Variants in MPRIP observed in about 807,000 individuals in gnomAD.
MPRIP encodes the protein myosin phosphatase Rho-interacting protein.
A neutral mutation model predicts 234.9 loss-of-function variants in MPRIP; 59 were observed. That is an observed-to-expected ratio of 0.25 (90% CI 0.20 to 0.31). The LOEUF (loss-of-function observed/expected upper bound fraction) is 0.31, where lower values mean the gene tolerates loss of function less well. Among genes scored for constraint, MPRIP ranks in the 10% least tolerant of loss-of-function variants. The pLI, the probability that MPRIP is intolerant of heterozygous loss-of-function variation, is 1.00. For synonymous variants in MPRIP, 1,144 were observed against 1,263.9 expected, an observed-to-expected ratio of 0.91 and a Z score of 2.01; for missense variants, 2,436 against 3,071.0, an observed-to-expected ratio of 0.79 and a Z score of 4.89.
At chr17:17,133,805 A>T (rs957156800) in intron 5 of MPRIP, among the ~76,000 whole-genome samples, 1 of 152,198 alleles carries the variant, frequency 6.6e-6, no homozygotes, top group African/African-American at 2.4e-5. Flanking sequence ...CTTGGCCCTG[A>T]CAAGAGTTTC....
intron 7 of MPRIP, chr17:17,141,745 A>G (rs1011488220): frequency 6.6e-6 from 1 of 152,384 alleles, no homozygotes; most frequent in Non-Finnish European, 1.5e-5. Flanking sequence ...AGCAGCAGTG[A>G]CACCCTCCCC....
At position 17,164,260 on chromosome 17, in the gene MPRIP, A is replaced by G. The variant is rs1286698050; in HGVS notation, c.2669A>G (p.Asp890Gly). 7.7e-7 allele frequency: 1 copy of G among 1,304,304 alleles called. No individual in the cohort carries two copies. Among genetic ancestry groups the G allele is most frequent in the Admixed American group, 2.3e-5 (1 of 43,576 alleles). 80.8% of individuals were successfully genotyped at this position (1,304,304 alleles called of 1,614,324 possible). Residue 890 changes from aspartate (D) to glycine (G), a missense_variant, in exon 16 of 24, where the codon GAC (aspartate) becomes GGC (glycine). Around this residue, in one of 4 missense-constraint regions of MPRIP, gnomAD observed 1,998 missense variants for 2,520.3 expected, o/e 0.79. Transcript: ENST00000651222. Reference sequence around the variant, plus strand: ...AAGCGTAGCTATGGGGAGGCCAAGGACACGATCCGGCACCACGAGGCTGAG... The same window carrying G: ...AAGCGTAGCTATGGGGAGGCCAAGGGCACGATCCGGCACCACGAGGCTGAG... ...TLKRSYGEAK[D>G]TIRHHEAEIR...
chr17:17,166,862 C>T lies in MPRIP; in HGVS notation c.5271C>T (p.Asp1757=). ...LSPLGEVLGR[D]SDSSQEPFDV... is the part of the protein sequence containing the mutation. ...CCTTAGGAGAAGTCCTGGGCCGAGA[C>T]TCAGACAGCTCTCAGGAGCCCTTCG... Residue 1757 remains aspartate (D), a synonymous_variant, in exon 16 of 24, where the codon GAC becomes GAT. Coordinates refer to ENST00000651222, the MANE Select transcript of MPRIP (RefSeq NM_001364716.4). This position sits in a 1 kb window ranked among gnomAD's most constrained non-coding sequence, Gnocchi z 4.4. The T allele has an allele frequency of 3.1e-6, 4 of 1,304,188 alleles. No individual in the cohort carries two copies. Among genetic ancestry groups the T allele is most frequent in the Non-Finnish European group, 4.0e-6 (4 of 988,956 alleles). The allele number at this position is 1,304,188 out of a possible 1,614,324, so 80.8% of individuals were successfully genotyped here.
intron 1 of MPRIP, among the ~76,000 whole-genome samples, chr17:17,044,015 T>G (rs1423116523): frequency 6.6e-6 from 1 of 152,204 alleles, no homozygotes; most frequent in Non-Finnish European, 1.5e-5. Context: ...CCTGGTTGTT[T>G]TTAATGCCAC....
At chr17:17,099,287 A>G (rs976483533) in intron 3 of MPRIP, among the ~76,000 whole-genome samples, 3 of 151,814 alleles carry the variant, frequency 2.0e-5, no homozygotes, top group Non-Finnish European at 4.4e-5. Flanking sequence ...AGGGTCCAGC[A>G]CCTCCCTATA....
intron 1 of MPRIP, among the ~76,000 whole-genome samples, chr17:17,043,994 G>T (rs546140203): frequency 4.9e-4 from 75 of 152,308 alleles, no homozygotes; most frequent in South Asian, 1.9e-3. Context: ...GACTGAAAAC[G>T]AGTGAACGGG....
rs2090756156 is a variant in MPRIP at position 17,138,760 on chromosome 17, T to G, written c.1250+331T>G. ...GCTGGATCTTTTCCTCCTGGGCCAT[T>G]TCTATTCTCTGAAGTGGCATGGAGG... On this transcript the variant is annotated intron_variant, in intron 7 of 23. Coordinates refer to ENST00000651222, the MANE Select transcript of MPRIP (RefSeq NM_001364716.4). This position sits in a 1 kb window ranked among gnomAD's most constrained non-coding sequence, Gnocchi z 5.8. 1.3e-5 allele frequency among the ~76,000 whole-genome samples: 2 copies of G among 152,118 alleles called. No individual in the cohort carries two copies. Among genetic ancestry groups the G allele is most frequent in the Admixed American group, 1.3e-4 (2 of 15,284 alleles).
At chr17:17,123,562 G>GGT (rs2090432807) in intron 3 of MPRIP, among the ~76,000 whole-genome samples, 2 of 151,974 alleles carry the variant, frequency 1.3e-5, no homozygotes, top group African/African-American at 4.8e-5. Flanking sequence ...AAATTAGCTG[G>GGT]GTGTGGTAGC....
In MPRIP at chr17:17,147,531, A is replaced by G. The variant is rs73279633; in HGVS notation, c.1629+144A>G. 3.4e-3 allele frequency: 2,578 copies of G among 760,862 alleles called. 53 individuals are homozygous for G. The African/African-American group carries it at 0.041, about 12-fold the overall frequency. 47.1% of individuals were successfully genotyped at this position (760,862 alleles called of 1,614,324 possible). On this transcript the variant is annotated intron_variant, in intron 11 of 23. Transcript: ENST00000651222. ...TCGGTGGTGTTACCTTGCCGAAGGT[A>G]TGTCCATGTTGCCCTCTTGGGTTTC...
chr17:17,142,807 G>A (rs866834193), intron 8 of MPRIP, 42 bp downstream of exon 8: 1 of 1,600,188 alleles, frequency 6.2e-7, no homozygotes, highest in Middle Eastern at 1.8e-4. Flanking sequence ...GGTGGCTCGG[G>A]GGCGGGTCAG....
intron 11 of MPRIP, among the ~76,000 whole-genome samples, chr17:17,148,302 G>A (rs1240689498): frequency 6.6e-6 from 1 of 152,178 alleles, no homozygotes; most frequent in African/African-American, 2.4e-5. Context: ...ACCTCTGGGG[G>A]TCCCTGAGGC....
chr17:17,123,382 C>T (rs2090429173), intron 3 of MPRIP, among the ~76,000 whole-genome samples: 1 of 152,094 alleles, frequency 6.6e-6, no homozygotes, highest in South Asian at 2.1e-4. Flanking sequence ...AAAAGTTAGG[C>T]CAGGGGCGGT....
chr17:17,143,556 G>T lies in MPRIP; in HGVS notation c.1390G>T (p.Asp464Tyr). The change falls in exon 9 of 24, where the codon GAC (aspartate) becomes TAC (tyrosine). Residue 464 changes from aspartate (D) to tyrosine (Y), a missense_variant and splice_region_variant. Physicochemically the swap from Asp to Tyr is radical, Grantham distance 160 (BLOSUM62 -3). Coordinates refer to ENST00000651222, the MANE Select transcript of MPRIP (RefSeq NM_001364716.4). ...GACCAGCGGCTGCTCTCTGCCACAG[G>T]ACTTCACCAATGAAGCCCCCCCAGC... ...SEKRAFPRKR[D>Y]FTNEAPPAPL... 1.3e-6 allele frequency: 2 copies of T among 1,591,656 alleles called. No individual in the cohort carries two copies. The highest frequency in any genetic ancestry group is 1.7e-6 in the Non-Finnish European group (2 of 1,167,350).
chr17:17,165,338 C>CA lies in MPRIP; in HGVS notation c.3747_3748insA (p.Gln1250ThrfsTer4). ...GCACTTTGCTCCCAGGCCAACCAGT[C>CA]CAAGCCACTAGGGCACCTCTAGGCC... On this transcript the variant is annotated frameshift_variant, in exon 16 of 24. Transcript: ENST00000651222. LOFTEE classifies it high-confidence loss of function. 1 of 1,304,080 alleles carries CA rather than the reference C, an allele frequency of 7.7e-7. No homozygotes were observed. Among genetic ancestry groups the CA allele is most frequent in the Non-Finnish European group, 1.0e-6 (1 of 988,960 alleles). The allele number at this position is 1,304,080 out of a possible 1,614,324, so 80.8% of individuals were successfully genotyped here. A position where few individuals can be genotyped will look rare whatever the true frequency, so the allele number is the denominator to read the frequency against.
rs2046473140 is a variant in MPRIP, at chr17:17,186,288, T to G, written c.*1394T>G. The G allele has an allele frequency of 6.6e-6, 1 of 152,230 alleles. No individual in the cohort carries two copies. Among genetic ancestry groups the G allele is most frequent in the Non-Finnish European group, 1.5e-5 (1 of 68,064 alleles). 9.4% of individuals were successfully genotyped at this position (152,230 alleles called of 1,614,324 possible). ...TTTGGGCGTTGAAATCTAGAAATCC[T>G]GTTGCTCAGTTTCTAGATGAAGTCA... On this transcript the variant is annotated 3_prime_UTR_variant, in exon 24 of 24. Coordinates refer to ENST00000651222, the MANE Select transcript of MPRIP (RefSeq NM_001364716.4).
rs2045786441 is a variant in MPRIP, at chr17:17,158,605, C to G, written c.2003C>G (p.Pro668Arg). The stretch of plus-strand genomic sequence containing the variant: ...ACCTTTGACTGGGCTGAGTTCCGTC[C>G]CATCCAGCAGGCCCTGGCTCAGGAG... ...SKTFDWAEFR[P>R]IQQALAQERV... The change falls in exon 14 of 24, where the codon CCC becomes CGC. Residue 668 changes from proline to arginine, a missense_variant. This residue lies in a region of MPRIP where 1,998 missense variants were observed against 2,520.3 expected (regional missense o/e 0.79). Transcript: ENST00000651222. The G allele has an allele frequency of 6.2e-7, 1 of 1,605,702 alleles. No homozygotes were observed. The highest frequency in any genetic ancestry group is 1.3e-5 in the African/African-American group (1 of 74,806).
Position 17,154,351 on chromosome 17 carries a change from C to T in MPRIP, c.1765C>T (p.Arg589Trp), listed in dbSNP as rs142200090. Residue 589 changes from arginine to tryptophan, a missense_variant, in exon 13 of 24, where the codon CGG (arginine) becomes TGG (tryptophan). Arg to Trp is a moderately radical substitution (Grantham distance 101). Coordinates refer to ENST00000651222, the MANE Select transcript of MPRIP (RefSeq NM_001364716.4). ...FTLSAMTSGI[R>W]RNWIQTIMKH... ...CCTGTCGGCCATGACATCTGGGATT[C>T]GGCGGAACTGGATCCAGACCATCAT... 2.5e-6 allele frequency: 4 copies of T among 1,614,146 alleles called. No individual in the cohort carries two copies. Among genetic ancestry groups the T allele is most frequent in the Non-Finnish European group, 3.4e-6 (4 of 1,180,022 alleles).
intron 14 of MPRIP, among the ~76,000 whole-genome samples, chr17:17,159,731 C>T (rs995541813): frequency 2.6e-5 from 4 of 152,172 alleles, no homozygotes; most frequent in African/African-American, 4.8e-5. Context: ...GGAGGTGTAG[C>T]GTTACAGTTT....
At position 17,090,002 on chromosome 17, in the gene MPRIP, G is replaced by A. The variant is rs537147386; in HGVS notation, c.267+11926G>A. Among the ~76,000 whole-genome samples, 9 of 151,632 alleles carry A rather than the reference G, an allele frequency of 5.9e-5. No homozygotes were observed. In the East Asian group the frequency reaches 7.8e-4, roughly 13 times the overall value. On this transcript the variant is annotated intron_variant, in intron 3 of 23. Transcript: ENST00000651222. ...ATGTGTAGAGCGCAGCAGACACGAC[G>A]CCTGGCCTCCTGTTCACTGATTCAA...
Sources: gnomAD v4.1 joint callset for allele counts (sites outside exome capture counted in the v4.1 genomes callset) on GRCh38, gnomAD v4.1.1 for gene constraint, gnomAD v4.1.1 regional missense constraint, Gnocchi (gnomAD v3.1) non-coding constraint, MANE v1.5 for transcripts, NCBI Gene and HGNC (gene_info 2026-07-23, HGNC 2026-07-21) for gene names.